G6PD: variants seen among roughly 807,000 people sequenced by gnomAD.
G6PD encodes glucose-6-phosphate dehydrogenase, also known as glucose-6-phosphate 1-dehydrogenase.
G6PD carries 2 observed loss-of-function variants against 38.2 expected under a neutral mutation model. The ratio of observed to expected loss-of-function variants is 0.05; its 90% CI spans 0.02 to 0.16. The LOEUF (loss-of-function observed/expected upper bound fraction) is 0.16, where lower values mean the gene tolerates loss of function less well. Among genes scored for constraint, G6PD ranks in the 10% least tolerant of loss-of-function variants. The pLI is 1.00. For synonymous variants in G6PD, 188 were observed against 196.0 expected, an observed-to-expected ratio of 0.96 and a Z score of 0.34; for missense variants, 310 against 471.6, an observed-to-expected ratio of 0.66 and a Z score of 3.17.
chrX:154,534,571 G>T, intron 5 of G6PD, 75 bp from the exon 6 acceptor site: 1 of 1,161,832 alleles, frequency 8.6e-7, no homozygotes. Flanking sequence ...GCATCATTCA[G>T]ACGCCCTCCC....
Position 154,543,136 on chromosome X carries a change from A to G in G6PD, c.120+2900T>C, listed in dbSNP as rs2472394. The stretch of plus-strand genomic sequence containing the variant: ...GAGCACGCCACCTCCCATCTCCCCC[A>G]CAGCAGGAAGAGGAAAAAACAAACC... On this transcript the variant is annotated intron_variant, in intron 2 of 12. Coordinates refer to ENST00000393562, the MANE Select transcript of G6PD (RefSeq NM_001360016.2). 3.6e-5 allele frequency among the ~76,000 whole-genome samples: 4 copies of G among 110,797 alleles called. No individual in the cohort carries two copies. In the East Asian group the frequency reaches 1.1e-3, roughly 32 times the overall value.
At chrX:154,541,118 G>A (rs2070492763) in intron 2 of G6PD, 1 of 111,555 alleles carries the variant, frequency 9.0e-6, no homozygotes, top group Non-Finnish European at 1.9e-5. Context: ...AAGAACCACA[G>A]CCTGCAAATA....
In G6PD at chrX:154,532,066, C is replaced by T. The variant is rs1230419397; in HGVS notation, c.1482G>A (p.Glu494=). 10 of 1,208,458 alleles carry T rather than the reference C, an allele frequency of 8.3e-6. No individual in the cohort carries two copies. The highest frequency in any genetic ancestry group is 1.1e-5 in the Non-Finnish European group (10 of 894,681). Residue 494 remains glutamate (E), a synonymous_variant, in exon 13 of 13, where the codon GAG becomes GAA. Coordinates refer to ENST00000393562, the MANE Select transcript of G6PD (RefSeq NM_001360016.2). ...ACTGGAAACCCACTCTCTTCATCAGCTCGTCTGCCTCCGTGGGGCCTCGGC... is the reference window on the plus strand; with the variant it reads ...ACTGGAAACCCACTCTCTTCATCAGTTCGTCTGCCTCCGTGGGGCCTCGGC... ...YGSRGPTEAD[E]LMKRVGFQYE...
intron 2 of G6PD, among the ~76,000 whole-genome samples, chrX:154,537,905 C>G (rs781824216): frequency 2.5e-4 from 28 of 110,807 alleles, no homozygotes; most frequent in Non-Finnish European, 4.2e-4. Context: ...AAATCCCACA[C>G]GAAATATCAG....
chrX:154,538,727 G>T (rs1247751683), intron 2 of G6PD, among the ~76,000 whole-genome samples: 3 of 111,476 alleles, frequency 2.7e-5, no homozygotes, highest in Non-Finnish European at 3.8e-5. Flanking sequence ...AGGAGTTTGA[G>T]ACCAGCCTGA....
intron 7 of G6PD, 72 bp from the exon 8 acceptor site, chrX:154,533,741 CCAAA>C: frequency 1.7e-6 from 2 of 1,197,730 alleles, no homozygotes; most frequent in Middle Eastern, 2.3e-4. Flanking sequence ...CATGGGGACC[CCAAA>C]CAAGGCTTCC....
rs1168711308 is a variant in G6PD at position 154,532,287 on chromosome X, G to A, written c.1365-7C>T. On this transcript the variant is annotated splice_region_variant and splice_polypyrimidine_tract_variant and intron_variant, in intron 11 of 12. Transcript: ENST00000393562. ...GGCCTCACGGAGCTCGTCGCTGAGGGGACATGGTATGGCTTGGGAGGCCGG... is the reference window on the plus strand; with the variant it reads ...GGCCTCACGGAGCTCGTCGCTGAGGAGACATGGTATGGCTTGGGAGGCCGG... 9.1e-6 allele frequency: 11 copies of A among 1,209,499 alleles called. No individual in the cohort carries two copies. The highest frequency in any genetic ancestry group is 1.1e-5 in the Non-Finnish European group (10 of 894,504).
intron 1 of G6PD, 47 bp downstream of exon 1, chrX:154,546,742 G>T (rs782318674): frequency 2.0e-6 from 2 of 1,018,837 alleles, no homozygotes; most frequent in Non-Finnish European, 1.3e-6. Context: ...GGCGCAGCGC[G>T]GGACAGTACG....
Position 154,546,176 on chromosome X carries a change from A to T in G6PD, c.-8-13T>A. ...GCCATGACGCTGTCTGGTGGAAGAA[A>T]GGCTCGTTAACAAGGCAGAAGAACA... On this transcript the variant is annotated splice_polypyrimidine_tract_variant and intron_variant, in intron 1 of 12. Coordinates refer to ENST00000393562, the MANE Select transcript of G6PD (RefSeq NM_001360016.2). 8.3e-7 allele frequency: 1 copy of T among 1,210,876 alleles called. No homozygotes were observed. The highest frequency in any genetic ancestry group is 1.1e-6 in the Non-Finnish European group (1 of 895,423).
At chrX:154,542,520 T>C in intron 2 of G6PD, 2 of 1,113,010 alleles carry the variant, frequency 1.8e-6, no homozygotes, top group Non-Finnish European at 2.4e-6. Context: ...GCCCACTTGG[T>C]AACTCTGAGG....
At chrX:154,536,284 G>A in intron 2 of G6PD, 106 bp from the exon 3 acceptor site, 3 of 758,545 alleles carry the variant, frequency 4.0e-6, no homozygotes, top group Non-Finnish European at 6.0e-6. Flanking sequence ...ATCACTACTG[G>A]GCCACAAGCA....
Position 154,533,375 on chromosome X carries a change from T to C in G6PD, c.864+201A>G, listed in dbSNP as rs1035747058. ...GCAATGGCCTTCCCTGGTCACATAG[T>C]GACTGTCAGGCCTGGGACATGACAA... is the stretch of plus-strand genomic sequence containing the variant. On this transcript the variant is annotated intron_variant, in intron 8 of 12. Transcript: ENST00000393562. The C allele has an allele frequency of 3.1e-5, 16 of 509,719 alleles. No individual in the cohort carries two copies. The South Asian group carries it at 4.7e-4, about 15-fold the overall frequency. The allele number at this position is 509,719 out of a possible 1,213,427, so 42.0% of individuals were successfully genotyped here. A position where few individuals can be genotyped will look rare whatever the true frequency, so the allele number is the denominator to read the frequency against.
In G6PD at chrX:154,535,995, T is replaced by C. The variant is rs782090947; in HGVS notation, c.209A>G (p.Tyr70Cys). The change falls in exon 4 of 13, where the codon TAT (tyrosine) becomes TGT (cysteine). Residue 70 changes from tyrosine to cysteine, a missense_variant. Tyr to Cys is a radical substitution (Grantham distance 194, BLOSUM62 -2). Transcript: ENST00000393562. The stretch of plus-strand genomic sequence containing the variant: ...AGCCACTGTGAGGCGGGAACGGGCA[T>C]AGCCCACGATGAAGGTGTTTTCGGG... ...LLPENTFIVG[Y>C]ARSRLTVADI... 5.8e-6 allele frequency: 7 copies of C among 1,211,544 alleles called. No individual in the cohort carries two copies. The Admixed American group carries it at 6.5e-5, about 11-fold the overall frequency.
chrX:154,541,414 G>C (rs1255974960), intron 2 of G6PD: 3 of 111,730 alleles, frequency 2.7e-5, no homozygotes, highest in East Asian at 5.6e-4. Context: ...GTAGGGGTGG[G>C]GTAAGGCAGG....
chrX:154,546,840 C>T lies in G6PD; in HGVS notation c.-60G>A. The T allele has an allele frequency of 8.8e-7, 1 of 1,141,126 alleles. No homozygotes were observed. Among genetic ancestry groups the T allele is most frequent in the Non-Finnish European group, 1.2e-6 (1 of 862,223 alleles). 94.0% of individuals were successfully genotyped at this position (1,141,126 alleles called of 1,213,427 possible). A position where few individuals can be genotyped will look rare whatever the true frequency, so the allele number is the denominator to read the frequency against. ...CGCTCGCAGCCCCGAAGTGTACGAC[C>T]GTTTCCGGGGGCTGAGCCCCGCCGG... On this transcript the variant is annotated 5_prime_UTR_variant, in exon 1 of 13. Coordinates refer to ENST00000393562, the MANE Select transcript of G6PD (RefSeq NM_001360016.2).
chrX:154,544,532 C>T (rs970857243), intron 2 of G6PD, among the ~76,000 whole-genome samples: 11 of 111,928 alleles, frequency 9.8e-5, no homozygotes, highest in Non-Finnish European at 1.7e-4. Context: ...TGACCTCAGG[C>T]GATCCACCTG....
Position 154,534,320 on chromosome X carries a change from G to C in G6PD, c.644+18C>G. ...GTACCACCCCCACCCTGGTCCCCCG[G>C]CCCAGGCTTGGCCCCACCTCAGCAC... On this transcript the variant is annotated intron_variant, in intron 6 of 12. Transcript: ENST00000393562. 1 of 1,210,493 alleles carries C rather than the reference G, an allele frequency of 8.3e-7. No homozygotes were observed. Among genetic ancestry groups the C allele is most frequent in the Non-Finnish European group, 1.1e-6 (1 of 894,668 alleles).
At chrX:154,546,735 G>A in intron 1 of G6PD, 54 bp downstream of exon 1, 2 of 987,177 alleles carry the variant, frequency 2.0e-6, no homozygotes, top group Non-Finnish European at 1.4e-6. Context: ...GCCGCGCGGC[G>A]CAGCGCGGGA....
At chrX:154,534,256 TC>T in intron 6 of G6PD, 81 bp downstream of exon 6, 1 of 1,203,785 alleles carries the variant, frequency 8.3e-7, no homozygotes, top group Non-Finnish European at 1.1e-6. Context: ...CTGGAGGAAT[TC>T]GTCCTCGGGG....
Sources: gnomAD v4.1 joint callset for allele counts (sites outside exome capture counted in the v4.1 genomes callset) on GRCh38, gnomAD v4.1.1 for gene constraint, MANE v1.5 for transcripts, NCBI Gene and HGNC (gene_info 2026-07-23, HGNC 2026-07-21) for gene names.